Variants in PLPPR5 observed in about 807,000 individuals in gnomAD.
PLPPR5 encodes phospholipid phosphatase-related protein type 5.
PLPPR5 carries 16 observed loss-of-function variants against 33.9 expected under a neutral mutation model. The ratio of observed to expected loss-of-function variants is 0.47; its 90% CI spans 0.32 to 0.72. The LOEUF is 0.72. Ranked by LOEUF, PLPPR5 falls within the 30% of genes least tolerant of loss-of-function variation. The probability of loss-of-function intolerance (pLI) is 0.03; values close to 1 mark genes in which losing one functional copy is unlikely to be tolerated. For synonymous variants in PLPPR5, 163 were observed against 150.3 expected (o/e 1.08, Z -0.62); for missense variants, 301 against 406.7 (o/e 0.74, Z 2.23).
chr1:98,973,175 T>C (rs934014560), intron 1 of PLPPR5, among the ~76,000 whole-genome samples: 1 of 152,124 alleles, frequency 6.6e-6, no homozygotes, highest in African/African-American at 2.4e-5. Context: ...AGTCCGAGTT[T>C]TCTGTTATTT....
rs72730317 is a variant in PLPPR5, at chr1:98,915,900, A to C, written c.799-980T>G. 4.8e-4 allele frequency among the ~76,000 whole-genome samples: 73 copies of C among 152,328 alleles called. 1 individual carries two copies. The East Asian group carries it at 0.012, about 24-fold the overall frequency. Reference sequence around the variant, plus strand: ...GAAGATTATTTGCTACTGTTTGCTTACACAATAAACAAGGTATTCTTGGTA... The same window carrying C: ...GAAGATTATTTGCTACTGTTTGCTTCCACAATAAACAAGGTATTCTTGGTA... On this transcript the variant is annotated intron_variant, in intron 4 of 5. Transcript: ENST00000263177.
intron 1 of PLPPR5, among the ~76,000 whole-genome samples, chr1:98,997,071 T>C (rs567134287): frequency 6.6e-6 from 1 of 152,296 alleles, no homozygotes; most frequent in African/African-American, 2.4e-5. Context: ...GTTTACCTCA[T>C]TCATTCAACA....
chr1:98,977,596 T>C (rs1651907272), intron 1 of PLPPR5, among the ~76,000 whole-genome samples: 2 of 150,494 alleles, frequency 1.3e-5, no homozygotes, highest in Admixed American at 1.3e-4. Context: ...ACACAAGTTA[T>C]TTGAAGGCAG....
intron 1 of PLPPR5, among the ~76,000 whole-genome samples, chr1:98,986,411 G>C (rs1427948578): frequency 6.6e-6 from 1 of 151,708 alleles, no homozygotes; most frequent in Non-Finnish European, 1.5e-5. Flanking sequence ...TAAAACTTAA[G>C]GTTACTAGGA....
Position 98,938,695 on chromosome 1 carries a change from C to G in PLPPR5, c.621+14375G>C, listed in dbSNP as rs867499895. On this transcript the variant is annotated intron_variant, in intron 3 of 5. Coordinates refer to ENST00000263177, the MANE Select transcript of PLPPR5 (RefSeq NM_001037317.2). ...TCATAAAAGAAGATGAAGTTCTGCCCGGTTCACTGGAACACTGGTGCTTGA... is the reference window on the plus strand; with the variant it reads ...TCATAAAAGAAGATGAAGTTCTGCCGGGTTCACTGGAACACTGGTGCTTGA... 2.2e-4 allele frequency among the ~76,000 whole-genome samples: 33 copies of G among 152,006 alleles called. 2 individuals carry two copies. In the Middle Eastern group the frequency reaches 0.027, roughly 125 times the overall value.
At chr1:98,916,239 A>T (rs114744567) in intron 4 of PLPPR5, among the ~76,000 whole-genome samples, 1 of 152,194 alleles carries the variant, frequency 6.6e-6, no homozygotes, top group African/African-American at 2.4e-5. Flanking sequence ...TTTGCAAATT[A>T]TTATAGATTT....
chr1:98,920,126 G>A (rs887209147), intron 4 of PLPPR5, among the ~76,000 whole-genome samples: 2 of 152,148 alleles, frequency 1.3e-5, no homozygotes, highest in Non-Finnish European at 2.9e-5. Context: ...GCTCAAGGGG[G>A]ATCCAGAGCT....
intron 3 of PLPPR5, among the ~76,000 whole-genome samples, chr1:98,934,425 C>G (rs543506375): frequency 6.6e-6 from 1 of 152,290 alleles, no homozygotes; most frequent in South Asian, 2.1e-4. Flanking sequence ...AGTTTAAAAA[C>G]AGCTTGAGGC....
intron 3 of PLPPR5, among the ~76,000 whole-genome samples, chr1:98,934,447 G>A (rs1323354742): frequency 3.3e-5 from 5 of 152,206 alleles, no homozygotes; most frequent in Non-Finnish European, 5.9e-5. Flanking sequence ...TCATGAGAAA[G>A]AAAGAGTGTA....
Position 98,953,246 on chromosome 1 carries a change from G to A in PLPPR5, c.445C>T (p.Pro149Ser). 6.2e-7 allele frequency: 1 copy of A among 1,613,992 alleles called. No homozygotes were observed. Among genetic ancestry groups the A allele is most frequent in the Non-Finnish European group, 8.5e-7 (1 of 1,179,990 alleles). Residue 149 changes from proline to serine, a missense_variant, in exon 3 of 6, where the codon CCA (proline) becomes TCA (serine). Pro to Ser is a moderately conservative substitution (Grantham distance 74). Coordinates refer to ENST00000263177, the MANE Select transcript of PLPPR5 (RefSeq NM_001037317.2). Reference protein sequence around the residue: ...AGQVVTGNLAPHFLALCKPNY... With the variant: ...AGQVVTGNLASHFLALCKPNY... ...GGCTTACACAGGGCAAGGAAATGTGGGGCCAGATTTCCTGTGACTACTTGT... is the reference window on the plus strand; with the variant it reads ...GGCTTACACAGGGCAAGGAAATGTGAGGCCAGATTTCCTGTGACTACTTGT...
chr1:98,971,345 A>G (rs1365238856), intron 1 of PLPPR5, among the ~76,000 whole-genome samples: 1 of 152,130 alleles, frequency 6.6e-6, no homozygotes, highest in Non-Finnish European at 1.5e-5. Flanking sequence ...GTTGCACAGC[A>G]TAGCAGAAGC....
At chr1:98,894,188 G>A (rs1251923264) in intron 5 of PLPPR5, among the ~76,000 whole-genome samples, 2 of 151,986 alleles carry the variant, frequency 1.3e-5, no homozygotes, top group African/African-American at 4.8e-5. Context: ...TCAGGAGTGA[G>A]CAGAGCATGC....
intron 5 of PLPPR5, among the ~76,000 whole-genome samples, chr1:98,908,953 A>C (rs1470178650): frequency 2.0e-5 from 3 of 152,188 alleles, no homozygotes; most frequent in Non-Finnish European, 4.4e-5. Context: ...GAAGCACTGG[A>C]ACCTCCTTAG....
Position 99,004,555 on chromosome 1 carries a change from G to A in PLPPR5, c.117C>T (p.Asn39=). The A allele has an allele frequency of 6.2e-7, 1 of 1,613,092 alleles. No homozygotes were observed. The highest frequency in any genetic ancestry group is 8.5e-7 in the Non-Finnish European group (1 of 1,179,858). Residue 39 remains asparagine, a synonymous_variant, in exon 1 of 6, where the codon AAC becomes AAT. Coordinates refer to ENST00000263177, the MANE Select transcript of PLPPR5 (RefSeq NM_001037317.2). ...YFEYTDTFTV[N]VQGFFCHDSA... ...TGTCGTGGCAGAAGAAGCCCTGCACGTTCACGGTGAACGTGTCCGTATACT... is the reference window on the plus strand; with the variant it reads ...TGTCGTGGCAGAAGAAGCCCTGCACATTCACGGTGAACGTGTCCGTATACT...
chr1:98,984,139 A>G (rs771458259), intron 1 of PLPPR5, among the ~76,000 whole-genome samples: 6 of 151,978 alleles, frequency 3.9e-5, no homozygotes, highest in Admixed American at 6.6e-5. Flanking sequence ...GAACTTAAGA[A>G]CTACTAAAGC....
At chr1:98,967,522 C>G (rs892875042) in intron 1 of PLPPR5, among the ~76,000 whole-genome samples, 1 of 152,072 alleles carries the variant, frequency 6.6e-6, no homozygotes, top group Non-Finnish European at 1.5e-5. Context: ...AAAACTTGCA[C>G]AAAAAGAAAC....
chr1:98,921,678 C>A lies in PLPPR5; in HGVS notation c.798+204G>T, dbSNP rs1187812303. On this transcript the variant is annotated intron_variant, in intron 4 of 5. Transcript: ENST00000263177. ...TTAAGCATAGGATTTGTATTTTTTT[C>A]ATCCCCAAACCTGACTTGTGGCAGA... is the stretch of plus-strand genomic sequence containing the variant. 2.0e-5 allele frequency among the ~76,000 whole-genome samples: 3 copies of A among 151,928 alleles called. No homozygotes were observed. The East Asian group carries it at 5.8e-4, about 29-fold the overall frequency.
At position 98,956,490 on chromosome 1, in the gene PLPPR5, C is replaced by T. The variant is rs982211198; in HGVS notation, c.370+119G>A. 7 of 1,000,372 alleles carry T rather than the reference C, an allele frequency of 7.0e-6. No individual in the cohort carries two copies. In the African/African-American group the frequency reaches 1.0e-4, roughly 15 times the overall value. 62.0% of individuals were successfully genotyped at this position (1,000,372 alleles called of 1,614,324 possible). A position where few individuals can be genotyped will look rare whatever the true frequency, so the allele number is the denominator to read the frequency against. ...GTTTATTTTTAAAAGCAAATTGAAA[C>T]ATTTCAAAGAAAAAAACCCCTAATA... On this transcript the variant is annotated intron_variant, in intron 2 of 5. Transcript: ENST00000263177.
chr1:98,988,162 T>A (rs1393880522), intron 1 of PLPPR5, among the ~76,000 whole-genome samples: 1 of 152,106 alleles, frequency 6.6e-6, no homozygotes, highest in East Asian at 1.9e-4. Flanking sequence ...AAGTCTAAAG[T>A]CCACTTTGAT....
Sources: gnomAD v4.1 joint callset for allele counts (sites outside exome capture counted in the v4.1 genomes callset) on GRCh38, gnomAD v4.1.1 for gene constraint, MANE v1.5 for transcripts, NCBI Gene and HGNC (gene_info 2026-07-23, HGNC 2026-07-21) for gene names.